The following EML1 variants were observed in gnomAD, a reference collection of about 807,000 sequenced individuals.
EML1 encodes the protein EMAP like 1, also known as echinoderm microtubule-associated protein-like 1.
In EML1, 27 loss-of-function variants were observed where a neutral mutation model predicts 110.4. The ratio of observed to expected loss-of-function variants is 0.24; its 90% confidence interval spans 0.18 to 0.34. The LOEUF is 0.34. Ranked by LOEUF, EML1 falls within the 10% of genes least tolerant of loss-of-function variation. The pLI, the probability that EML1 is intolerant of heterozygous loss-of-function variation, is 1.00. For missense variants in EML1, 741 were observed against 1,030.9 expected (o/e 0.72, Z 3.85); for synonymous variants, 344 against 385.8 (o/e 0.89, Z 1.27).
chr14:99,899,780 C>A (rs556641874), intron 8 of EML1, among the ~76,000 whole-genome samples: 1 of 151,204 alleles, frequency 6.6e-6, no homozygotes, highest in Admixed American at 6.6e-5. Context: ...GCTATTTGTT[C>A]CTCCCTCTAG....
chr14:99,850,307 T>A (rs1341451837), intron 1 of EML1: 33 of 1,288,874 alleles, frequency 2.6e-5, no homozygotes, highest in Non-Finnish European at 3.1e-5. Flanking sequence ...TAGACCCTGA[T>A]AAGGAGTTGG....
At chr14:99,843,031 A>G (rs2058655943) in intron 1 of EML1, among the ~76,000 whole-genome samples, 1 of 152,210 alleles carries the variant, frequency 6.6e-6, no homozygotes, top group African/African-American at 2.4e-5. Flanking sequence ...AGGCAGGATA[A>G]TCGCTTGAGG....
chr14:99,841,591 A>G (rs377501006), intron 1 of EML1, among the ~76,000 whole-genome samples: 1 of 152,058 alleles, frequency 6.6e-6, no homozygotes, highest in Non-Finnish European at 1.5e-5. Context: ...TTAGCAGACT[A>G]CTCTCAACAG....
chr14:99,850,125 G>A, intron 1 of EML1: 4 of 368,490 alleles, frequency 1.1e-5, no homozygotes, highest in South Asian at 2.3e-5. Context: ...ATTTTGTAGA[G>A]GCAGAGTTTT....
chr14:99,914,350 T>G, intron 14 of EML1, 46 bp downstream of exon 14: 3 of 1,590,604 alleles, frequency 1.9e-6, no homozygotes, highest in Non-Finnish European at 2.6e-6. Flanking sequence ...CATTTTGCAT[T>G]ATATCAGACC....
chr14:99,937,700 T>TC (rs2060500342), intron 19 of EML1, 117 bp from the exon 20 acceptor site: 2 of 810,526 alleles, frequency 2.5e-6, no homozygotes, highest in African/African-American at 1.7e-5. Context: ...AAGTGGAAGG[T>TC]CTCCCTCTCC....
chr14:99,931,039 G>T (rs1039653783), intron 17 of EML1, among the ~76,000 whole-genome samples: 9 of 152,150 alleles, frequency 5.9e-5, no homozygotes, highest in African/African-American at 2.2e-4. Flanking sequence ...TCCCCCATCT[G>T]CCTGGGTCTG....
chr14:99,846,970 T>C (rs1379314836), intron 1 of EML1, among the ~76,000 whole-genome samples: 3 of 152,220 alleles, frequency 2.0e-5, no homozygotes, highest in Admixed American at 6.5e-5. Context: ...CAGATTCTCC[T>C]TTTCTAAAAC....
At chr14:99,818,925 A>C (rs546696326) in intron 1 of EML1, among the ~76,000 whole-genome samples, 39 of 152,332 alleles carry the variant, frequency 2.6e-4, no homozygotes, top group African/African-American at 8.9e-4. Context: ...TATCGTCAGA[A>C]CATGCTTTTC....
chr14:99,825,824 G>A (rs1452059113), intron 1 of EML1, among the ~76,000 whole-genome samples: 2 of 152,194 alleles, frequency 1.3e-5, no homozygotes, highest in African/African-American at 4.8e-5. Context: ...AGCAGTCGAG[G>A]TGAATATGCT....
At chr14:99,783,943 GTGAA>G (rs1296218874) in intron 1 of EML1, among the ~76,000 whole-genome samples, 1 of 152,250 alleles carries the variant, frequency 6.6e-6, no homozygotes, top group East Asian at 1.9e-4. Context: ...ACGCGATGGA[GTGAA>G]TGAACAAAAT....
At chr14:99,932,799 G>A (rs535889362) in intron 17 of EML1, among the ~76,000 whole-genome samples, 151 of 151,960 alleles carry the variant, frequency 9.9e-4, no homozygotes, top group African/African-American at 3.3e-3. Flanking sequence ...AGCCAATTGC[G>A]TTAAACCTGT....
At position 99,905,294 on chromosome 14, in the gene EML1, C is replaced by T. The variant is rs1203686604; in HGVS notation, c.1009-2344C>T. On this transcript the variant is annotated intron_variant, in intron 9 of 21. Coordinates refer to ENST00000262233, the MANE Select transcript of EML1 (RefSeq NM_004434.3). This position sits in a 1 kb window ranked among gnomAD's most constrained non-coding sequence, Gnocchi z 4.1. ...CACCCAGCACCCAAAATCAAACTGG[C>T]AGGGCTCAGACATGCCCCTGGTCGG... 6.6e-6 allele frequency among the ~76,000 whole-genome samples: 1 copy of T among 152,206 alleles called. No homozygotes were observed. Among genetic ancestry groups the T allele is most frequent in the African/African-American group, 2.4e-5 (1 of 41,444 alleles).
At chr14:99,757,042 G>C (rs529903214) in intron 1 of EML1, among the ~76,000 whole-genome samples, 89 of 152,336 alleles carry the variant, frequency 5.8e-4, no homozygotes, top group African/African-American at 2.0e-3. Flanking sequence ...TGGAGCTGCT[G>C]TTTAACAATC....
chr14:99,872,241 A>G (rs2059217873), intron 3 of EML1, among the ~76,000 whole-genome samples: 1 of 152,212 alleles, frequency 6.6e-6, no homozygotes. Flanking sequence ...CATTTCAGCC[A>G]CATATGAAAG....
At chr14:99,785,185 G>T (rs2057585281) in intron 1 of EML1, among the ~76,000 whole-genome samples, 1 of 152,066 alleles carries the variant, frequency 6.6e-6, no homozygotes, top group South Asian at 2.1e-4. Context: ...CTCCCCAGTA[G>T]CTGGGATTAC....
At chr14:99,746,882 T>A (rs1275259754) in intron 1 of EML1, among the ~76,000 whole-genome samples, 7 of 152,112 alleles carry the variant, frequency 4.6e-5, no homozygotes, top group Non-Finnish European at 2.9e-5. Context: ...GAAGCCCAAG[T>A]GGCCGGGTGC....
At chr14:99,907,476 G>A in intron 9 of EML1, 162 bp from the exon 10 acceptor site, 1 of 565,332 alleles carries the variant, frequency 1.8e-6, no homozygotes, top group Non-Finnish European at 3.0e-6. Flanking sequence ...TCCAGAAAAA[G>A]AAAGAAAGAA....
chr14:99,858,178 C>T (rs1163389869), intron 2 of EML1, among the ~76,000 whole-genome samples: 1 of 151,028 alleles, frequency 6.6e-6, no homozygotes, highest in Non-Finnish European at 1.5e-5. Context: ...AGAGCTCCTC[C>T]TCATTCCTTT....
Sources: gnomAD v4.1 joint callset for allele counts (sites outside exome capture counted in the v4.1 genomes callset) on GRCh38, gnomAD v4.1.1 for gene constraint, Gnocchi (gnomAD v3.1) non-coding constraint, MANE v1.5 for transcripts, NCBI Gene and HGNC (gene_info 2026-07-23, HGNC 2026-07-21) for gene names.